The following DOC2B variants were observed in gnomAD, a reference collection of about 807,000 sequenced individuals.
DOC2B encodes double C2-like domain-containing protein beta.
Under a neutral mutation model 28.9 loss-of-function variants are expected in DOC2B, and 21 were observed. The observed-to-expected ratio is 0.73, with a 90% confidence interval of 0.52 to 1.05. DOC2B has a LOEUF of 1.05. DOC2B is among the 50% of genes least tolerant of loss of function. The probability of loss-of-function intolerance (pLI) is 0.00; values close to 1 mark genes in which losing one functional copy is unlikely to be tolerated. For synonymous variants in DOC2B, 194 were observed against 178.1 expected (o/e 1.09, Z -0.71); for missense variants, 384 against 421.1 (o/e 0.91, Z 0.77).
chr17:170,803 GGCTGC>G (rs1207124970), intron 2 of DOC2B, among the ~76,000 whole-genome samples: 17 of 125,462 alleles, frequency 1.4e-4, no homozygotes, highest in African/African-American at 4.6e-4. Context: ...GGCCGGGCCA[GGCTGC>G]AGAGGGCAGC....
At chr17:155,994 C>A (rs990765575) in intron 6 of DOC2B, 3 of 565,982 alleles carry the variant, frequency 5.3e-6, no homozygotes, top group African/African-American at 3.8e-5. Flanking sequence ...ACCTGCATGA[C>A]CCTGGGAAGC....
At chr17:172,223 G>A (rs1228437094) in intron 2 of DOC2B, among the ~76,000 whole-genome samples, 1 of 144,380 alleles carries the variant, frequency 6.9e-6, no homozygotes, top group Non-Finnish European at 1.5e-5. Context: ...CTGCAGGACA[G>A]ACATCACCCT....
intron 1 of DOC2B, among the ~76,000 whole-genome samples, chr17:176,254 T>C (rs1449179895): frequency 6.6e-6 from 1 of 151,788 alleles, no homozygotes; most frequent in Admixed American, 6.6e-5. Context: ...AGTACAGTGG[T>C]GCGATCACAG....
At chr17:174,810 T>C (rs1347273078) in intron 1 of DOC2B, among the ~76,000 whole-genome samples, 1 of 152,208 alleles carries the variant, frequency 6.6e-6, no homozygotes, top group Non-Finnish European at 1.5e-5. Context: ...TGGAAGTGTG[T>C]GCAAACTAAG....
At chr17:165,663 G>A (rs1232456154) in intron 2 of DOC2B, among the ~76,000 whole-genome samples, 1 of 152,110 alleles carries the variant, frequency 6.6e-6, no homozygotes, top group Non-Finnish European at 1.5e-5. Context: ...GGGTGCATCT[G>A]AGCTGTGCCC....
At chr17:155,849 T>C (rs2040128164) in intron 6 of DOC2B, among the ~76,000 whole-genome samples, 1 of 152,178 alleles carries the variant, frequency 6.6e-6, no homozygotes, top group East Asian at 1.9e-4. Context: ...CTGGCAGAGT[T>C]CCTCTGCATC....
In DOC2B at chr17:144,068, A is replaced by AGGCGGCGGGCGAGGCGGCGGGCGG. The variant is rs2040002400; in HGVS notation, c.*3372_*3373insCCGCCCGCCGCCTCGCCCGCCGCC. On this transcript the variant is annotated 3_prime_UTR_variant, in exon 9 of 9. Coordinates refer to ENST00000613549, the MANE Select transcript of DOC2B (RefSeq NM_003585.5). ...AGACGGGCCCGTCGGGGATTGGCGCAGGCGGCGGGCGGGGCGGCGGGCGGG... is the reference window on the plus strand; with the variant it reads ...AGACGGGCCCGTCGGGGATTGGCGCAGGCGGCGGGCGAGGCGGCGGGCGGGGCGGCGGGCGGGGCGGCGGGCGGG... The AGGCGGCGGGCGAGGCGGCGGGCGG allele has an allele frequency of 3.4e-5, 4 of 116,322 alleles. No homozygotes were observed. The highest frequency in any genetic ancestry group is 1.4e-4 in the African/African-American group (4 of 27,870). 7.2% of individuals were successfully genotyped at this position (116,322 alleles called of 1,614,324 possible). A position where few individuals can be genotyped will look rare whatever the true frequency, so the allele number is the denominator to read the frequency against.
At chr17:155,731 T>C (rs1159955776) in intron 6 of DOC2B, among the ~76,000 whole-genome samples, 1 of 152,190 alleles carries the variant, frequency 6.6e-6, no homozygotes, top group Non-Finnish European at 1.5e-5. Flanking sequence ...CCTGAGTTAG[T>C]GTCTCTCCCC....
intron 6 of DOC2B, chr17:156,005 C>T (rs2040130684): frequency 1.7e-6 from 1 of 574,840 alleles, no homozygotes; most frequent in South Asian, 2.3e-5. Context: ...CCTGGGAAGC[C>T]ACTCAGCTTC....
chr17:159,934 GC>G (rs1245726011), intron 5 of DOC2B, among the ~76,000 whole-genome samples: 1 of 149,702 alleles, frequency 6.7e-6, no homozygotes, highest in Non-Finnish European at 1.5e-5. Context: ...GTTTGTTTAT[GC>G]CAGTGATGAA....
chr17:165,298 A>C lies in DOC2B; in HGVS notation c.454-1094T>G, dbSNP rs566316868. Among the ~76,000 whole-genome samples, 175 of 152,168 alleles carry C rather than the reference A, an allele frequency of 1.2e-3. 4 individuals are homozygous for C. Among genetic ancestry groups the C allele is most frequent in the African/African-American group, 4.1e-3 (169 of 41,470 alleles). Reference sequence around the variant, plus strand: ...GGAGTTCAAGACCAGCCTGGGCAACACAGTAAGACCCTGTCTCTTCAAAAA... The same window carrying C: ...GGAGTTCAAGACCAGCCTGGGCAACCCAGTAAGACCCTGTCTCTTCAAAAA... On this transcript the variant is annotated intron_variant, in intron 2 of 8. Coordinates refer to ENST00000613549, the MANE Select transcript of DOC2B (RefSeq NM_003585.5).
intron 5 of DOC2B, 99 bp downstream of exon 5, chr17:161,316 C>T: frequency 2.3e-6 from 3 of 1,282,434 alleles, no homozygotes; most frequent in Non-Finnish European, 3.3e-6. Context: ...TCCCCTCTCA[C>T]TCTGCCCCTC....
chr17:181,050 G>C lies in DOC2B; in HGVS notation c.373+57C>G, dbSNP rs961390102. The C allele has an allele frequency of 5.7e-4, 690 of 1,204,540 alleles. No individual in the cohort carries two copies. Among genetic ancestry groups the C allele is most frequent in the Non-Finnish European group, 6.7e-4 (651 of 966,494 alleles). The allele number at this position is 1,204,540 out of a possible 1,614,324, so 74.6% of individuals were successfully genotyped here. ...GGCGGAGGGAAGCCGCGAGGCCGTGGGGGGGCCGAGCCCGAGCCAGGGGAG... is the reference window on the plus strand; with the variant it reads ...GGCGGAGGGAAGCCGCGAGGCCGTGCGGGGGCCGAGCCCGAGCCAGGGGAG... On this transcript the variant is annotated intron_variant, in intron 1 of 8. Coordinates refer to ENST00000613549, the MANE Select transcript of DOC2B (RefSeq NM_003585.5). This position sits in a 1 kb window ranked among gnomAD's most constrained non-coding sequence, Gnocchi z 7.0.
chr17:179,790 G>A (rs1342455577), intron 1 of DOC2B, among the ~76,000 whole-genome samples: 2 of 152,286 alleles, frequency 1.3e-5, no homozygotes, highest in Non-Finnish European at 2.9e-5. Context: ...CCCCAGGGCA[G>A]GGCCTTCATG....
intron 5 of DOC2B, among the ~76,000 whole-genome samples, chr17:157,153 G>T (rs2040145432): frequency 6.6e-6 from 1 of 152,234 alleles, no homozygotes; most frequent in Admixed American, 6.5e-5. Context: ...GGCTTCCGCG[G>T]ACGGTCTTCC....
chr17:177,975 C>T (rs1036907021), intron 1 of DOC2B, among the ~76,000 whole-genome samples: 2 of 152,254 alleles, frequency 1.3e-5, no homozygotes, highest in Non-Finnish European at 2.9e-5. Flanking sequence ...CAATTCTGGC[C>T]AATGAGACAA....
chr17:172,954 G>A (rs952328113), intron 1 of DOC2B, among the ~76,000 whole-genome samples: 3 of 152,252 alleles, frequency 2.0e-5, no homozygotes, highest in African/African-American at 2.4e-5. Context: ...CTGCCAGTCT[G>A]GGCCCCGTGC....
rs2040028229 is a variant in DOC2B at position 147,456 on chromosome 17, A to G, written c.1224T>C (p.Ala408=). The G allele has an allele frequency of 2.5e-6, 1 of 398,690 alleles. No homozygotes were observed. Among genetic ancestry groups the G allele is most frequent in the Non-Finnish European group, 4.4e-6 (1 of 226,102 alleles). The allele number at this position is 398,690 out of a possible 1,614,324, so 24.7% of individuals were successfully genotyped here. A position where few individuals can be genotyped will look rare whatever the true frequency, so the allele number is the denominator to read the frequency against. The change falls in exon 9 of 9, where the codon GCT becomes GCC. Residue 408 remains alanine, a synonymous_variant. Transcript: ENST00000613549. The stretch of plus-strand genomic sequence containing the variant: ...CGGGTGGGCGTCAGTCGCTGAGCAC[A>G]GCCCCTGGGAGCTCGCTGGTGAGCG... ...WHTLTSELPG[A]VLSD
chr17:160,883 A>G (rs951913483), intron 5 of DOC2B, among the ~76,000 whole-genome samples: 1 of 152,154 alleles, frequency 6.6e-6, no homozygotes, highest in Non-Finnish European at 1.5e-5. Flanking sequence ...ACAGGCACTC[A>G]GGTCTAACAT....
Sources: allele counts gnomAD v4.1 joint callset (sites outside exome capture counted in the v4.1 genomes callset), GRCh38; gene constraint gnomAD v4.1.1; non-coding constraint Gnocchi (gnomAD v3.1); transcripts MANE v1.5; gene names NCBI Gene and HGNC (gene_info 2026-07-23, HGNC 2026-07-21).